Variants in VEPH1 observed in about 807,000 individuals in gnomAD.
The protein encoded by VEPH1 is ventricular zone-expressed PH domain-containing protein homolog 1.
VEPH1 carries 80 observed loss-of-function variants against 85.2 expected under a neutral mutation model. The observed-to-expected ratio is 0.94, with a 90% CI of 0.78 to 1.13. The LOEUF (loss-of-function observed/expected upper bound fraction) is 1.13. Ranked by LOEUF, VEPH1 falls within the 50% of genes most tolerant of loss-of-function variation. The probability of loss-of-function intolerance (pLI) is 0.00; values close to 1 mark genes in which losing one functional copy is unlikely to be tolerated. For synonymous variants in VEPH1, 297 were observed against 348.0 expected, an observed-to-expected ratio of 0.85 and a Z score of 1.63; for missense variants, 955 against 980.5, an observed-to-expected ratio of 0.97 and a Z score of 0.35.
At chr3:157,400,188 A>G (rs1840673) in intron 6 of VEPH1, among the ~76,000 whole-genome samples, 102,018 of 151,974 alleles carry the variant, frequency 0.67, 34,628 homozygotes, top group South Asian at 0.75. Flanking sequence ...CTGTCTGGGC[A>G]AAACAATTTT....
At chr3:157,303,051 A>G (rs1373186195) in intron 11 of VEPH1, among the ~76,000 whole-genome samples, 1 of 152,238 alleles carries the variant, frequency 6.6e-6, no homozygotes, top group Non-Finnish European at 1.5e-5. Context: ...AAATGTGCAC[A>G]TATTGAAGGT....
chr3:157,410,347 T>C (rs1489227103), intron 6 of VEPH1, among the ~76,000 whole-genome samples: 5 of 152,102 alleles, frequency 3.3e-5, no homozygotes, highest in Non-Finnish European at 7.4e-5. Flanking sequence ...TCCAGGGCAG[T>C]TTTTGCCTTT....
At chr3:157,356,414 G>A (rs1270074196) in intron 9 of VEPH1, among the ~76,000 whole-genome samples, 1 of 151,944 alleles carries the variant, frequency 6.6e-6, no homozygotes, top group African/African-American at 2.4e-5. Flanking sequence ...AAAATGAACT[G>A]TAACACAGAT....
At chr3:157,440,777 A>G (rs1734057812) in intron 4 of VEPH1, among the ~76,000 whole-genome samples, 1 of 152,064 alleles carries the variant, frequency 6.6e-6, no homozygotes. Context: ...CAGCTTCCCA[A>G]ATGGCTAAGT....
At chr3:157,460,928 T>C (rs1464857437) in intron 3 of VEPH1, among the ~76,000 whole-genome samples, 1 of 152,100 alleles carries the variant, frequency 6.6e-6, no homozygotes, top group South Asian at 2.1e-4. Context: ...GCTAAGAAGT[T>C]TGGCATTGAT....
intron 10 of VEPH1, among the ~76,000 whole-genome samples, chr3:157,314,710 G>A (rs911230911): frequency 5.8e-4 from 89 of 152,222 alleles, no homozygotes; most frequent in African/African-American, 2.1e-3. Flanking sequence ...GAGTGGGTGT[G>A]TGGGGGACAC....
chr3:157,311,115 A>T (rs1273563934), intron 11 of VEPH1, among the ~76,000 whole-genome samples: 1 of 152,246 alleles, frequency 6.6e-6, no homozygotes, highest in Non-Finnish European at 1.5e-5. Context: ...CTCTGGCAAC[A>T]CAATGGTCAA....
chr3:157,349,833 C>A (rs1020285101), intron 9 of VEPH1, among the ~76,000 whole-genome samples: 18 of 152,102 alleles, frequency 1.2e-4, no homozygotes, highest in African/African-American at 3.6e-4. Context: ...TGGAAGACTT[C>A]TACAAGGAAA....
intron 12 of VEPH1, among the ~76,000 whole-genome samples, chr3:157,280,508 C>T (rs1715964067): frequency 6.6e-6 from 1 of 152,146 alleles, no homozygotes; most frequent in South Asian, 2.1e-4. Flanking sequence ...AAGTTAATCC[C>T]TGAGGGGTGT....
intron 2 of VEPH1, among the ~76,000 whole-genome samples, chr3:157,485,609 T>C (rs1738546797): frequency 6.6e-6 from 1 of 151,744 alleles, no homozygotes; most frequent in African/African-American, 2.4e-5. Flanking sequence ...AAAATAAACA[T>C]GGAAAAGTCA....
intron 5 of VEPH1, among the ~76,000 whole-genome samples, chr3:157,426,504 A>T (rs1732767013): frequency 6.6e-6 from 1 of 152,312 alleles, no homozygotes; most frequent in Non-Finnish European, 1.5e-5. Flanking sequence ...ATTTTTTCCC[A>T]TCACATTAGC....
In VEPH1 at chr3:157,428,310, T is replaced by G. The variant is rs575049147; in HGVS notation, c.696+12A>C. 37 of 1,613,966 alleles carry G rather than the reference T, an allele frequency of 2.3e-5. No homozygotes were observed. In the East Asian group the frequency reaches 7.6e-4, roughly 33 times the overall value. The stretch of plus-strand genomic sequence containing the variant: ...GTTGTGTGCACCATGACATATACAA[T>G]GTACTTTTTACCTCGAGTTGTTTTT... On this transcript the variant is annotated intron_variant, in intron 5 of 13. Coordinates refer to ENST00000362010, the MANE Select transcript of VEPH1 (RefSeq NM_001167912.2).
At chr3:157,474,612 A>C (rs1249975155) in intron 2 of VEPH1, among the ~76,000 whole-genome samples, 1 of 152,208 alleles carries the variant, frequency 6.6e-6, no homozygotes, top group Non-Finnish European at 1.5e-5. Flanking sequence ...GTCTGGGTCC[A>C]AACCATTTTA....
At chr3:157,385,381 T>C (rs1729188759) in intron 6 of VEPH1, among the ~76,000 whole-genome samples, 2 of 152,270 alleles carry the variant, frequency 1.3e-5, no homozygotes, top group East Asian at 3.9e-4. Context: ...AGATCAGCAA[T>C]TCTCAAATCT....
At chr3:157,434,867 T>C (rs887615449) in intron 4 of VEPH1, among the ~76,000 whole-genome samples, 3 of 152,228 alleles carry the variant, frequency 2.0e-5, no homozygotes, top group Admixed American at 1.3e-4. Context: ...TTATAACAAA[T>C]ATTTTTGAGC....
chr3:157,408,699 G>A (rs1234879536), intron 6 of VEPH1, among the ~76,000 whole-genome samples: 1 of 152,116 alleles, frequency 6.6e-6, no homozygotes, highest in Non-Finnish European at 1.5e-5. Context: ...TAAGGGGACT[G>A]GGAAGAACTC....
intron 12 of VEPH1, among the ~76,000 whole-genome samples, chr3:157,271,661 C>T (rs1285887707): frequency 1.3e-5 from 2 of 152,162 alleles, no homozygotes; most frequent in African/African-American, 2.4e-5. Context: ...CCTCCCTCTG[C>T]TTACTGGTGT....
chr3:157,409,642 A>G (rs915778298), intron 6 of VEPH1: 1 of 985,264 alleles, frequency 1.0e-6, no homozygotes, highest in Non-Finnish European at 1.2e-6. Flanking sequence ...TAGATGGAAA[A>G]ATTGTGATGC....
chr3:157,450,988 T>G (rs1734926815), intron 4 of VEPH1, among the ~76,000 whole-genome samples: 1 of 152,224 alleles, frequency 6.6e-6, no homozygotes, highest in Admixed American at 6.5e-5. Context: ...TTATTTATGA[T>G]TTATGCATCT....
Sources: gnomAD v4.1 joint callset for allele counts (sites outside exome capture counted in the v4.1 genomes callset) on GRCh38, gnomAD v4.1.1 for gene constraint, MANE v1.5 for transcripts, NCBI Gene and HGNC (gene_info 2026-07-23, HGNC 2026-07-21) for gene names.